SHISAL1: variants seen among roughly 807,000 people sequenced by gnomAD.
SHISAL1 encodes shisa like 1, also known as protein shisa-like-1.
Under a neutral mutation model 22.6 loss-of-function variants are expected in SHISAL1, and 9 were observed. The observed-to-expected ratio is 0.40, with a 90% CI of 0.24 to 0.70. The LOEUF (loss-of-function observed/expected upper bound fraction) is 0.70. SHISAL1 is among the 30% of genes least tolerant of loss of function. The probability of loss-of-function intolerance (pLI) is 0.39; values close to 1 mark genes in which losing one functional copy is unlikely to be tolerated. For missense variants in SHISAL1, 246 were observed against 270.6 expected, an observed-to-expected ratio of 0.91 and a Z score of 0.64; for synonymous variants, 119 against 115.4, an observed-to-expected ratio of 1.03 and a Z score of -0.20.
chr22:44,289,099 A>G (rs9614422), intron 3 of SHISAL1, among the ~76,000 whole-genome samples: 31,337 of 152,226 alleles, frequency 0.21, 3,611 homozygotes, highest in African/African-American at 0.31. Context: ...GCAGCTAATA[A>G]AAACACTGGC....
chr22:44,321,142 A>C, the SHISAL1 span, among the ~76,000 whole-genome samples: 1 of 152,148 alleles, frequency 6.6e-6, no homozygotes, highest in South Asian at 2.1e-4. Context: ...TGAGAGTGGC[A>C]GTGCTCCAGC....
chr22:44,277,559 G>A (rs539034549), intron 4 of SHISAL1, among the ~76,000 whole-genome samples: 5 of 152,344 alleles, frequency 3.3e-5, no homozygotes, highest in South Asian at 4.1e-4. Flanking sequence ...TCGCTGGGCC[G>A]CACCTCCTAG....
At chr22:44,309,252 G>C (rs576195984) in intron 1 of SHISAL1, among the ~76,000 whole-genome samples, 7 of 152,194 alleles carry the variant, frequency 4.6e-5, no homozygotes, top group Non-Finnish European at 1.0e-4. Context: ...CTTACAGCCT[G>C]GGGGGAGGCG....
intron 4 of SHISAL1, among the ~76,000 whole-genome samples, chr22:44,257,133 A>C (rs191966424): frequency 4.8e-4 from 73 of 152,314 alleles, no homozygotes; most frequent in African/African-American, 1.8e-3. Flanking sequence ...TGCTGGGGTC[A>C]TTTCTGTGGA....
At chr22:44,260,196 G>A (rs1485600867) in intron 4 of SHISAL1, among the ~76,000 whole-genome samples, 1 of 152,190 alleles carries the variant, frequency 6.6e-6, no homozygotes, top group Non-Finnish European at 1.5e-5. Flanking sequence ...AAGCTGAAGT[G>A]ATTCCCTTAA....
chr22:44,297,921 A>G (rs2055398742), intron 2 of SHISAL1, among the ~76,000 whole-genome samples: 1 of 152,158 alleles, frequency 6.6e-6, no homozygotes, highest in Non-Finnish European at 1.5e-5. Flanking sequence ...AGGTTATTAG[A>G]CTGCAGCCCA....
At chr22:44,269,564 CACT>C (rs1467609244) in intron 4 of SHISAL1, among the ~76,000 whole-genome samples, 1 of 149,728 alleles carries the variant, frequency 6.7e-6, no homozygotes, top group African/African-American at 2.5e-5. Context: ...ACACTACACA[CACT>C]ACACCATGCC....
At chr22:44,258,386 G>T (rs1477582733) in intron 4 of SHISAL1, among the ~76,000 whole-genome samples, 1 of 152,194 alleles carries the variant, frequency 6.6e-6, no homozygotes, top group Non-Finnish European at 1.5e-5. Flanking sequence ...TGTGTCATGG[G>T]GGTTTGTTGT....
At chr22:44,253,344 T>G (rs1410250820) in intron 4 of SHISAL1, among the ~76,000 whole-genome samples, 6 of 151,898 alleles carry the variant, frequency 4.0e-5, no homozygotes, top group Non-Finnish European at 7.4e-5. Context: ...AATGTTCATG[T>G]ACCAAATAGC....
chr22:44,282,751 A>T (rs1362087467), intron 4 of SHISAL1, among the ~76,000 whole-genome samples: 2 of 152,138 alleles, frequency 1.3e-5, no homozygotes, highest in Non-Finnish European at 2.9e-5. Context: ...AGGGGAACAG[A>T]AGCCTTTCCA....
chr22:44,305,796 C>T (rs2055466715), intron 1 of SHISAL1, among the ~76,000 whole-genome samples: 1 of 152,148 alleles, frequency 6.6e-6, no homozygotes, highest in African/African-American at 2.4e-5. Context: ...TGAGATAGGT[C>T]ACCGTGCGAT....
intron 1 of SHISAL1, among the ~76,000 whole-genome samples, chr22:44,305,162 G>A (rs995726986): frequency 6.6e-6 from 1 of 152,228 alleles, no homozygotes; most frequent in South Asian, 2.1e-4. Context: ...CCCCTCCACT[G>A]AGGCCTATAG....
chr22:44,330,093 C>A, the SHISAL1 span, among the ~76,000 whole-genome samples: 1 of 152,340 alleles, frequency 6.6e-6, no homozygotes, highest in African/African-American at 2.4e-5. Context: ...TAGACAATGC[C>A]CAGAGCAGGG....
chr22:44,322,861 C>A, the SHISAL1 span, among the ~76,000 whole-genome samples: 3 of 152,264 alleles, frequency 2.0e-5, no homozygotes, highest in Non-Finnish European at 4.4e-5. Flanking sequence ...AAACTTCAGC[C>A]TCTTCCTTGG....
At chr22:44,306,592 ATGTGTG>A (rs2055477131) in intron 1 of SHISAL1, among the ~76,000 whole-genome samples, 2 of 16,826 alleles carry the variant, frequency 1.2e-4, no homozygotes, top group Non-Finnish European at 2.4e-4. Flanking sequence ...TGACGATGGC[ATGTGTG>A]GAGGGGAACT....
chr22:44,326,716 G>C, the SHISAL1 span, among the ~76,000 whole-genome samples: 2 of 152,284 alleles, frequency 1.3e-5, no homozygotes, highest in East Asian at 3.9e-4. Flanking sequence ...AGGGGAAGGA[G>C]AGCAGGCTGG....
chr22:44,309,215 G>A (rs12163376), intron 1 of SHISAL1, among the ~76,000 whole-genome samples: 78,077 of 152,144 alleles, frequency 0.51, 20,163 homozygotes, highest in East Asian at 0.58. Flanking sequence ...ACAGTTCTGG[G>A]CGTGGGGGAT....
upstream of SHISAL1, among the ~76,000 whole-genome samples, chr22:44,313,694 G>A (rs979376725): frequency 2.0e-5 from 3 of 152,136 alleles, no homozygotes; most frequent in Admixed American, 1.3e-4. Context: ...GCCCATGGCC[G>A]TCTCCCACCC....
At chr22:44,290,529 C>CAAAAAAAAAAAAAAAAAAA (rs546640216) in intron 3 of SHISAL1, among the ~76,000 whole-genome samples, 16 of 84,288 alleles carry the variant, frequency 1.9e-4, no homozygotes, top group South Asian at 4.2e-4. Flanking sequence ...AACTCAGTCT[C>CAAAAAAAAAAAAAAAAAAA]AAAAAAAAAA....
Sources: gnomAD v4.1 joint callset for allele counts (sites outside exome capture counted in the v4.1 genomes callset) on GRCh38, gnomAD v4.1.1 for gene constraint, MANE v1.5 for transcripts, NCBI Gene and HGNC (gene_info 2026-07-23, HGNC 2026-07-21) for gene names.